Variants in EVI5 observed in about 807,000 individuals in gnomAD.
EVI5 encodes ecotropic viral integration site 5 protein homolog.
EVI5 carries 73 observed loss-of-function variants against 112.0 expected under a neutral mutation model. The ratio of observed to expected loss-of-function variants is 0.65; its 90% CI spans 0.54 to 0.79. The LOEUF (loss-of-function observed/expected upper bound fraction) is 0.79. Among genes scored for constraint, EVI5 ranks in the 30% least tolerant of loss-of-function variants. The pLI is 0.00. For synonymous variants in EVI5, 305 were observed against 319.9 expected (o/e 0.95, Z 0.50); for missense variants, 900 against 968.8 (o/e 0.93, Z 0.94).
intron 2 of EVI5, among the ~76,000 whole-genome samples, chr1:92,705,742 T>C (rs1671861068): frequency 6.6e-6 from 1 of 152,244 alleles, no homozygotes; most frequent in South Asian, 2.1e-4. Flanking sequence ...CTATTTTATA[T>C]AGCTACTACT....
rs556043467 is a variant in EVI5, at chr1:92,593,548, T to C, written c.2070+11759A>G. Among the ~76,000 whole-genome samples the C allele has an allele frequency of 5.3e-5, 8 of 152,214 alleles. No individual in the cohort carries two copies. In the East Asian group the frequency reaches 5.8e-4, roughly 11 times the overall value. On this transcript the variant is annotated intron_variant, in intron 18 of 19. Transcript: ENST00000684568. ...CCTCTCTCACCACTCCTATTCAACA[T>C]AGTGTTGGAAATTCTGGCCAGGGCA...
intron 1 of EVI5, among the ~76,000 whole-genome samples, chr1:92,763,696 G>C (rs1053072033): frequency 4.6e-5 from 7 of 152,126 alleles, no homozygotes; most frequent in Admixed American, 1.3e-4. Flanking sequence ...ACTTTAGGAG[G>C]CCCAGGAGTG....
rs1664295309 is a variant in EVI5, at chr1:92,663,052, A to C, written c.1246-187T>G. 2.6e-5 allele frequency among the ~76,000 whole-genome samples: 4 copies of C among 152,216 alleles called. No homozygotes were observed. In the South Asian group the frequency reaches 8.3e-4, roughly 31 times the overall value. ...GCTCCAGCAAATTTTCGGAAACTAA[A>C]CGAAAAATTCACCTGACAAGAACAA... is the stretch of plus-strand genomic sequence containing the variant. On this transcript the variant is annotated intron_variant, in intron 12 of 19. Coordinates refer to ENST00000684568, the MANE Select transcript of EVI5 (RefSeq NM_001350197.2).
chr1:92,667,078 A>G (rs772427811), intron 10 of EVI5, among the ~76,000 whole-genome samples: 2 of 152,210 alleles, frequency 1.3e-5, no homozygotes, highest in African/African-American at 2.4e-5. Context: ...CTTGAGCTTG[A>G]GTTCAAGACC....
intron 16 of EVI5, among the ~76,000 whole-genome samples, chr1:92,618,859 TATC>T (rs1243015081): frequency 6.6e-6 from 1 of 152,230 alleles, no homozygotes; most frequent in Non-Finnish European, 1.5e-5. Context: ...AAATATATTT[TATC>T]ATGTGACATA....
intron 16 of EVI5, among the ~76,000 whole-genome samples, chr1:92,612,098 G>T (rs995377454): frequency 2.0e-5 from 3 of 151,962 alleles, no homozygotes; most frequent in Non-Finnish European, 4.4e-5. Context: ...GTTATTCACA[G>T]GCCCTTCTAA....
chr1:92,789,427 C>T (rs936962167), upstream of EVI5, among the ~76,000 whole-genome samples: 9 of 151,948 alleles, frequency 5.9e-5, no homozygotes, highest in South Asian at 2.1e-4. Flanking sequence ...CTCAGCCTCC[C>T]GAGCAGCTGG....
At chr1:92,623,997 T>C (rs1655115650) in intron 16 of EVI5, among the ~76,000 whole-genome samples, 179 bp downstream of exon 16, 1 of 152,216 alleles carries the variant, frequency 6.6e-6, no homozygotes, top group Non-Finnish European at 1.5e-5. Flanking sequence ...CAAAGAAGGA[T>C]TAAATCTCTG....
At chr1:92,651,418 A>G (rs1440319314) in intron 13 of EVI5, among the ~76,000 whole-genome samples, 2 of 152,236 alleles carry the variant, frequency 1.3e-5, no homozygotes, top group Non-Finnish European at 2.9e-5. Flanking sequence ...TTAAATGTCT[A>G]TTTGATATAG....
intron 19 of EVI5, among the ~76,000 whole-genome samples, chr1:92,554,795 CCT>C (rs988346495): frequency 1.3e-5 from 2 of 151,908 alleles, no homozygotes; most frequent in African/African-American, 4.8e-5. Flanking sequence ...ACAGTGAGAC[CCT>C]GTCTCTACAA....
intron 19 of EVI5, among the ~76,000 whole-genome samples, chr1:92,555,374 A>T (rs373431412): frequency 1.6e-4 from 25 of 152,354 alleles, no homozygotes; most frequent in African/African-American, 5.5e-4. Flanking sequence ...TTCACTCACC[A>T]GTACAAATAG....
At chr1:92,666,813 T>C (rs565159815) in intron 10 of EVI5, among the ~76,000 whole-genome samples, 8 of 152,332 alleles carry the variant, frequency 5.3e-5, no homozygotes, top group African/African-American at 1.4e-4. Flanking sequence ...TCCATTTCTA[T>C]ACATACTTAC....
chr1:92,682,637 C>T (rs188697324), intron 9 of EVI5, among the ~76,000 whole-genome samples: 325 of 152,176 alleles, frequency 2.1e-3, no homozygotes, highest in African/African-American at 7.4e-3. Flanking sequence ...TGGTGGCATG[C>T]GCCTCTAGTC....
At chr1:92,597,007 A>G (rs1353694865) in intron 18 of EVI5, among the ~76,000 whole-genome samples, 1 of 152,198 alleles carries the variant, frequency 6.6e-6, no homozygotes, top group Non-Finnish European at 1.5e-5. Flanking sequence ...GATCCCAACA[A>G]CTATAAGGCA....
At chr1:92,707,789 AAAG>A (rs1672240873) in intron 2 of EVI5, among the ~76,000 whole-genome samples, 2 of 152,238 alleles carry the variant, frequency 1.3e-5, no homozygotes, top group South Asian at 4.1e-4. Flanking sequence ...ACATATGTAC[AAAG>A]AAGACATAGT....
At chr1:92,586,397 T>C (rs542366131) in intron 18 of EVI5, among the ~76,000 whole-genome samples, 1 of 152,198 alleles carries the variant, frequency 6.6e-6, no homozygotes, top group Non-Finnish European at 1.5e-5. Flanking sequence ...ATCATTTAAA[T>C]CAATATAGGC....
chr1:92,768,433 C>A (rs1474032567), intron 1 of EVI5, among the ~76,000 whole-genome samples: 1 of 152,224 alleles, frequency 6.6e-6, no homozygotes, highest in African/African-American at 2.4e-5. Flanking sequence ...CTAGTTCTCA[C>A]CTGCCATAGG....
Position 92,636,878 on chromosome 1 carries a change from CT to C in EVI5, c.1393-543del, listed in dbSNP as rs541559164. Among the ~76,000 whole-genome samples, 887 of 151,702 alleles carry C rather than the reference CT, an allele frequency of 5.8e-3. 8 individuals carry two copies. Among genetic ancestry groups the C allele is most frequent in the African/African-American group, 0.019 (788 of 41,348 alleles). On this transcript the variant is annotated intron_variant, in intron 13 of 19. Coordinates refer to ENST00000684568, the MANE Select transcript of EVI5 (RefSeq NM_001350197.2). ...AGGTAAATAAAAATATTAATTTTACCTTTTTTTGCTCCTTTTAATGTGGGTA... is the reference window on the plus strand; with the variant it reads ...AGGTAAATAAAAATATTAATTTTACCTTTTTTGCTCCTTTTAATGTGGGTA...
chr1:92,765,257 G>A (rs1570848463), intron 1 of EVI5, among the ~76,000 whole-genome samples: 1 of 108,420 alleles, frequency 9.2e-6, no homozygotes, highest in Non-Finnish European at 1.7e-5. Flanking sequence ...GTCTCACCAT[G>A]TTGCCCAGGC....
Sources: gnomAD v4.1 joint callset for allele counts (sites outside exome capture counted in the v4.1 genomes callset) on GRCh38, gnomAD v4.1.1 for gene constraint, MANE v1.5 for transcripts, NCBI Gene and HGNC (gene_info 2026-07-23, HGNC 2026-07-21) for gene names.